Variants in CELSR3 observed in about 807,000 individuals in gnomAD.
CELSR3 encodes EGF-like protein 1.
Under a neutral mutation model 270.0 loss-of-function variants are expected in CELSR3, and 73 were observed. The ratio of observed to expected loss-of-function variants is 0.27; its 90% CI spans 0.22 to 0.33. CELSR3 has a LOEUF of 0.33. Ranked by LOEUF, CELSR3 falls within the 10% of genes least tolerant of loss-of-function variation. The pLI is 1.00. For synonymous variants in CELSR3, 1,780 were observed against 1,905.4 expected (o/e 0.93, Z 1.71); for missense variants, 3,614 against 4,533.8 (o/e 0.80, Z 5.83).
At position 48,653,788 on chromosome 3, in the gene CELSR3, G is replaced by C. The variant is rs1171410091; in HGVS notation, c.5279C>G (p.Thr1760Ser). The change falls in exon 9 of 35, where the codon ACT becomes AGT. Residue 1760 changes from threonine (T) to serine (S), a missense_variant and splice_region_variant. Physicochemically the swap from Thr to Ser is moderately conservative, Grantham distance 58. Around this residue, in one of 7 missense-constraint regions of CELSR3, gnomAD observed 1,331 missense variants for 1,933.7 expected, o/e 0.69. Coordinates refer to ENST00000164024, the MANE Select transcript of CELSR3 (RefSeq NM_001407.3). This position sits in a 1 kb window ranked among gnomAD's most constrained non-coding sequence, Gnocchi z 6.5. ...ACGGAAATGGTGGGGATGGGCCATA[G>C]CTGAGTGGATAAGAGAAACAGGGTT... ...VGFGGKDCQLTMAHPHHFRGN... is the reference protein window; with the variant it reads ...VGFGGKDCQLSMAHPHHFRGN... 6.2e-6 allele frequency: 10 copies of C among 1,613,936 alleles called. No homozygotes were observed. The highest frequency in any genetic ancestry group is 7.6e-6 in the Non-Finnish European group (9 of 1,179,956).
chr3:48,659,949 G>C lies in CELSR3; in HGVS notation c.2686C>G (p.Leu896Val). ...AACTGGGGCAGGTTGTCCTCCAGGA[G>C]ATAGGTGATACGAGCATTCTCACCC... ...DVGENARITY[L>V]LEDNLPQFRI... The change falls in exon 1 of 35, where the codon CTC becomes GTC. Residue 896 changes from leucine to valine, a missense_variant. Transcript: ENST00000164024. The surrounding 1 kb of genome is among the most constrained non-coding windows in gnomAD (Gnocchi z 8.1). 6.2e-7 allele frequency: 1 copy of C among 1,614,212 alleles called. No homozygotes were observed. The highest frequency in any genetic ancestry group is 1.1e-5 in the South Asian group (1 of 91,088).
rs777605933 is a variant in CELSR3, at chr3:48,657,179, G to A, written c.3918C>T (p.Pro1306=). Residue 1306 remains proline, a synonymous_variant, in exon 2 of 35, where the codon CCC becomes CCT. Transcript: ENST00000164024. This position sits in a 1 kb window ranked among gnomAD's most constrained non-coding sequence, Gnocchi z 5.4. ...TGTTGAAGATGAAGACGTCCTCAGC[G>A]GGCGTAGCGAGCACCGCAGCCACGC... ...LEGVAAVLAT[P]AEDVFIFNIQ... 2.5e-6 allele frequency: 4 copies of A among 1,613,850 alleles called. No individual in the cohort carries two copies. Among genetic ancestry groups the A allele is most frequent in the East Asian group, 2.2e-5 (1 of 44,884 alleles).
In CELSR3 at chr3:48,640,316, G is replaced by T; in HGVS notation, c.9269C>A (p.Ala3090Asp). 6.2e-7 allele frequency: 1 copy of T among 1,612,866 alleles called. No individual in the cohort carries two copies. Among genetic ancestry groups the T allele is most frequent in the Non-Finnish European group, 8.5e-7 (1 of 1,179,964 alleles). Residue 3090 changes from alanine (A) to aspartate (D), a missense_variant, in exon 34 of 35, where the codon GCC becomes GAC. Physicochemically the swap from Ala to Asp is moderately radical, Grantham distance 126. Coordinates refer to ENST00000164024, the MANE Select transcript of CELSR3 (RefSeq NM_001407.3). The surrounding 1 kb of genome is among the most constrained non-coding windows in gnomAD (Gnocchi z 7.5). ...LSRERLEEAP[A>D]PVLRPLSRPG... The stretch of plus-strand genomic sequence containing the variant: ...CCGGCTCAGGGGACGTAGAACAGGG[G>T]CAGGGGCTTCCTCTAGTCGCTCACG...
chr3:48,656,686 C>T lies in CELSR3; in HGVS notation c.4399+12G>A. The stretch of plus-strand genomic sequence containing the variant: ...CGTGCTTCCCCCAGCTCTGGCCCGG[C>T]GCCCTGCTCACCGGTGAAGCGCGGG... On this transcript the variant is annotated intron_variant, in intron 2 of 34. Transcript: ENST00000164024. 7.5e-6 allele frequency: 11 copies of T among 1,471,048 alleles called. No individual in the cohort carries two copies. In the South Asian group the frequency reaches 1.4e-4, roughly 19 times the overall value. 91.1% of individuals were successfully genotyped at this position (1,471,048 alleles called of 1,614,324 possible). A position where few individuals can be genotyped will look rare whatever the true frequency, so the allele number is the denominator to read the frequency against.
Position 48,641,828 on chromosome 3 carries a change from A to G in CELSR3, c.8824+23T>C. 1 of 1,442,328 alleles carries G rather than the reference A, an allele frequency of 6.9e-7. No homozygotes were observed. The highest frequency in any genetic ancestry group is 9.1e-7 in the Non-Finnish European group (1 of 1,095,146). 89.3% of individuals were successfully genotyped at this position (1,442,328 alleles called of 1,614,324 possible). ...AAATGGGGCATCCCTTGGTCACCCA[A>G]GGGGTCAGAGGGCGCCTGGCACCTT... On this transcript the variant is annotated intron_variant, in intron 32 of 34. Coordinates refer to ENST00000164024, the MANE Select transcript of CELSR3 (RefSeq NM_001407.3). This position sits in a 1 kb window ranked among gnomAD's most constrained non-coding sequence, Gnocchi z 4.8.
chr3:48,655,399 A>AG lies in CELSR3; in HGVS notation c.4742-6dup, dbSNP rs535832808. 99 of 1,613,986 alleles carry AG rather than the reference A, an allele frequency of 6.1e-5. 1 individual carries two copies. The East Asian group carries it at 1.2e-3, about 20-fold the overall frequency. On this transcript the variant is annotated splice_region_variant and splice_polypyrimidine_tract_variant and intron_variant, in intron 4 of 34. Coordinates refer to ENST00000164024, the MANE Select transcript of CELSR3 (RefSeq NM_001407.3). The surrounding 1 kb of genome is among the most constrained non-coding windows in gnomAD (Gnocchi z 5.8). ...TGACCACGGTGTTGGATTCACCTGG[A>AG]GGGGAGATGCATGTGGAATCATCAG...
Position 48,647,764 on chromosome 3 carries a change from G to T in CELSR3, c.7129+77C>A. ...GGGAGGTCTAGAAAGGGGAAAATTG[G>T]CAGGAGGGCAACATAGTATCTGGTT... is the stretch of plus-strand genomic sequence containing the variant. On this transcript the variant is annotated intron_variant, in intron 20 of 34. Coordinates refer to ENST00000164024, the MANE Select transcript of CELSR3 (RefSeq NM_001407.3). 2.1e-6 allele frequency: 3 copies of T among 1,462,930 alleles called. No homozygotes were observed. The South Asian group carries it at 3.6e-5, about 17-fold the overall frequency. 90.6% of individuals were successfully genotyped at this position (1,462,930 alleles called of 1,614,324 possible).
chr3:48,660,755 C>G lies in CELSR3; in HGVS notation c.1880G>C (p.Arg627Pro), dbSNP rs149033561. 1 of 1,614,090 alleles carries G rather than the reference C, an allele frequency of 6.2e-7. No homozygotes were observed. Among genetic ancestry groups the G allele is most frequent in the Non-Finnish European group, 8.5e-7 (1 of 1,180,014 alleles). The change falls in exon 1 of 35, where the codon CGG becomes CCG. Residue 627 changes from arginine to proline, a missense_variant. Transcript: ENST00000164024. The surrounding 1 kb of genome is among the most constrained non-coding windows in gnomAD (Gnocchi z 5.5). ...ALRIRAQDAG[R>P]PPLSNNTGLA... ...GCCCGTGTTGTTGGACAGCGGTGGCCGGCCAGCATCCTGCGCCCTGATGCG... is the reference window on the plus strand; with the variant it reads ...GCCCGTGTTGTTGGACAGCGGTGGCGGGCCAGCATCCTGCGCCCTGATGCG...
rs2047136580 is a variant in CELSR3 at position 48,651,482 on chromosome 3, G to A, written c.6066-3C>T. On this transcript the variant is annotated splice_region_variant and splice_polypyrimidine_tract_variant and intron_variant, in intron 13 of 34. Transcript: ENST00000164024. This position sits in a 1 kb window ranked among gnomAD's most constrained non-coding sequence, Gnocchi z 7.4. Reference sequence around the variant, plus strand: ...CCCGTGGGCACTGCTGGTCCATCCTGGGGGTGCAGAGCCAGGTAAGATGCC... The same window carrying A: ...CCCGTGGGCACTGCTGGTCCATCCTAGGGGTGCAGAGCCAGGTAAGATGCC... 6.2e-7 allele frequency: 1 copy of A among 1,613,668 alleles called. No homozygotes were observed. The highest frequency in any genetic ancestry group is 1.1e-5 in the South Asian group (1 of 91,084).
intron 19 of CELSR3, 28 bp downstream of exon 19, chr3:48,648,238 G>GGGCCCCCCCCCCCCC: frequency 7.4e-7 from 1 of 1,342,626 alleles, no homozygotes; most frequent in Non-Finnish European, 1.1e-6. Flanking sequence ...CCCCTGCTGT[G>GGGCCCCCCCCCCCCC]CCCCGCCCTA....
In CELSR3 at chr3:48,650,378, G is replaced by A; in HGVS notation, c.6472+102C>T. 3 of 929,444 alleles carry A rather than the reference G, an allele frequency of 3.2e-6. No homozygotes were observed. Among genetic ancestry groups the A allele is most frequent in the Non-Finnish European group, 5.2e-6 (3 of 582,248 alleles). The allele number at this position is 929,444 out of a possible 1,614,324, so 57.6% of individuals were successfully genotyped here. A position where few individuals can be genotyped will look rare whatever the true frequency, so the allele number is the denominator to read the frequency against. ...ACTCCCACCCCACTTCCACCTCTTT[G>A]CAGGAACAAAGCCACCCAATTTAGG... On this transcript the variant is annotated intron_variant, in intron 16 of 34. Coordinates refer to ENST00000164024, the MANE Select transcript of CELSR3 (RefSeq NM_001407.3). This position sits in a 1 kb window ranked among gnomAD's most constrained non-coding sequence, Gnocchi z 5.1.
rs1277511635 is a variant in CELSR3, at chr3:48,641,644, G to A, written c.8825-120C>T. 1.2e-6 allele frequency: 1 copy of A among 852,930 alleles called. No homozygotes were observed. Among genetic ancestry groups the A allele is most frequent in the Non-Finnish European group, 1.8e-6 (1 of 550,250 alleles). 52.8% of individuals were successfully genotyped at this position (852,930 alleles called of 1,614,324 possible). On this transcript the variant is annotated intron_variant, in intron 32 of 34. Coordinates refer to ENST00000164024, the MANE Select transcript of CELSR3 (RefSeq NM_001407.3). The surrounding 1 kb of genome is among the most constrained non-coding windows in gnomAD (Gnocchi z 4.8). ...ATTGAGCAGAGGTGGGAACAGGAGG[G>A]TATCTCCTCAGAGATCAATGGGTGG... is the stretch of plus-strand genomic sequence containing the variant.
chr3:48,646,686 T>C lies in CELSR3; in HGVS notation c.7295+77A>G, dbSNP rs2047087352. On this transcript the variant is annotated intron_variant, in intron 21 of 34. Transcript: ENST00000164024. This position sits in a 1 kb window ranked among gnomAD's most constrained non-coding sequence, Gnocchi z 4.8. ...TGCTCCTCTCTGTGTGTTGTGAACC[T>C]ACGCATCTACCCACCAAAAAAGGGG... 1.4e-6 allele frequency: 2 copies of C among 1,425,840 alleles called. No individual in the cohort carries two copies. Among genetic ancestry groups the C allele is most frequent in the Non-Finnish European group, 1.9e-6 (2 of 1,044,098 alleles). The allele number at this position is 1,425,840 out of a possible 1,614,324, so 88.3% of individuals were successfully genotyped here. A position where few individuals can be genotyped will look rare whatever the true frequency, so the allele number is the denominator to read the frequency against.
In CELSR3 at chr3:48,645,730, A is replaced by C. The variant is rs373227444; in HGVS notation, c.7590+12T>G. 6 of 1,606,096 alleles carry C rather than the reference A, an allele frequency of 3.7e-6. No individual in the cohort carries two copies. In the African/African-American group the frequency reaches 8.0e-5, roughly 21 times the overall value. ...ACCCCCCACTTCCTTGGGACACTGA[A>C]CACAGCCCCACCTCACGGGGAGAGG... is the stretch of plus-strand genomic sequence containing the variant. On this transcript the variant is annotated intron_variant, in intron 23 of 34. Coordinates refer to ENST00000164024, the MANE Select transcript of CELSR3 (RefSeq NM_001407.3). This position sits in a 1 kb window ranked among gnomAD's most constrained non-coding sequence, Gnocchi z 5.4.
chr3:48,644,781 A>G lies in CELSR3; in HGVS notation c.8020T>C (p.Cys2674Arg). 1 of 1,613,550 alleles carries G rather than the reference A, an allele frequency of 6.2e-7. No homozygotes were observed. The highest frequency in any genetic ancestry group is 8.5e-7 in the Non-Finnish European group (1 of 1,179,982). ...DPEGYGNPDFCWISVHEPLIW... is the reference protein window; with the variant it reads ...DPEGYGNPDFRWISVHEPLIW... ...AGGGGCTCGTGGACTGAGATCCAGCAGAAGTCAGGGTTCCCATAGCCCTCA... is the reference window on the plus strand; with the variant it reads ...AGGGGCTCGTGGACTGAGATCCAGCGGAAGTCAGGGTTCCCATAGCCCTCA... The change falls in exon 26 of 35, where the codon TGC (cysteine) becomes CGC (arginine). Residue 2674 changes from cysteine (C) to arginine (R), a missense_variant. By Grantham distance (180) the Cys-to-Arg change is radical. Transcript: ENST00000164024. The surrounding 1 kb of genome is among the most constrained non-coding windows in gnomAD (Gnocchi z 4.8).
chr3:48,641,439 A>G lies in CELSR3; in HGVS notation c.8910T>C (p.Ser2970=). 1 of 1,612,592 alleles carries G rather than the reference A, an allele frequency of 6.2e-7. No homozygotes were observed. The highest frequency in any genetic ancestry group is 8.5e-7 in the Non-Finnish European group (1 of 1,179,816). ...AAPCALQTWG[S]ERRLGLDTSK... ...TGGTGTCCAGCCCCAGGCGCCTTTC[A>G]GAGCCCCAAGTCTGCAGAGCACAGG... The change falls in exon 33 of 35, where the codon TCT becomes TCC. Residue 2970 remains serine (S), a synonymous_variant. Coordinates refer to ENST00000164024, the MANE Select transcript of CELSR3 (RefSeq NM_001407.3). This position sits in a 1 kb window ranked among gnomAD's most constrained non-coding sequence, Gnocchi z 4.8.
chr3:48,660,504 T>A lies in CELSR3; in HGVS notation c.2131A>T (p.Ser711Cys). The change falls in exon 1 of 35, where the codon AGT becomes TGT. Residue 711 changes from serine (S) to cysteine (C), a missense_variant. Physicochemically the swap from Ser to Cys is moderately radical, Grantham distance 112 (BLOSUM62 -1). Coordinates refer to ENST00000164024, the MANE Select transcript of CELSR3 (RefSeq NM_001407.3). The surrounding 1 kb of genome is among the most constrained non-coding windows in gnomAD (Gnocchi z 5.5). ...INSATGWVSVSGPLDRESVEH... is the reference protein window; with the variant it reads ...INSATGWVSVCGPLDRESVEH... Reference sequence around the variant, plus strand: ...ACAGACTCACGGTCCAGGGGACCACTCACAGAGACCCAGCCAGTGGCGCTG... The same window carrying A: ...ACAGACTCACGGTCCAGGGGACCACACACAGAGACCCAGCCAGTGGCGCTG... 6.2e-7 allele frequency: 1 copy of A among 1,614,110 alleles called. No homozygotes were observed. Among genetic ancestry groups the A allele is most frequent in the Non-Finnish European group, 8.5e-7 (1 of 1,180,008 alleles).
Position 48,644,368 on chromosome 3 carries a change from G to C in CELSR3, c.8086-73C>G. ...AGAGAGAGAGAGGCAATGAGAGACA[G>C]AGAGAGACTAAGATTCACGGAGAGA... On this transcript the variant is annotated intron_variant, in intron 26 of 34. Coordinates refer to ENST00000164024, the MANE Select transcript of CELSR3 (RefSeq NM_001407.3). The surrounding 1 kb of genome is among the most constrained non-coding windows in gnomAD (Gnocchi z 4.8). 7.2e-7 allele frequency: 1 copy of C among 1,393,886 alleles called. No individual in the cohort carries two copies. The highest frequency in any genetic ancestry group is 1.4e-5 in the African/African-American group (1 of 70,722). 86.3% of individuals were successfully genotyped at this position (1,393,886 alleles called of 1,614,324 possible).
chr3:48,644,602 C>A lies in CELSR3; in HGVS notation c.8085+114G>T. ...ACCAGAGGACAGAAAAAATGAAGGC[C>A]GAGCCCAGGAAGCCTGCAGAATGCC... On this transcript the variant is annotated intron_variant, in intron 26 of 34. Transcript: ENST00000164024. The surrounding 1 kb of genome is among the most constrained non-coding windows in gnomAD (Gnocchi z 4.8). 1 of 824,808 alleles carries A rather than the reference C, an allele frequency of 1.2e-6. No individual in the cohort carries two copies. The highest frequency in any genetic ancestry group is 2.4e-5 in the Admixed American group (1 of 42,446). The allele number at this position is 824,808 out of a possible 1,614,324, so 51.1% of individuals were successfully genotyped here. A position where few individuals can be genotyped will look rare whatever the true frequency, so the allele number is the denominator to read the frequency against.
Sources: allele counts gnomAD v4.1 joint callset, GRCh38; gene constraint gnomAD v4.1.1; regional missense constraint gnomAD v4.1.1; non-coding constraint Gnocchi (gnomAD v3.1); transcripts MANE v1.5; gene names NCBI Gene and HGNC (gene_info 2026-07-23, HGNC 2026-07-21).